CEACAM3: variants seen among roughly 807,000 people sequenced by gnomAD.
CEACAM3 encodes the protein cell adhesion molecule CEACAM3.
A neutral mutation model predicts 30.1 loss-of-function variants in CEACAM3; 32 were observed. The observed-to-expected ratio is 1.06, with a 90% CI of 0.80 to 1.43. The LOEUF (loss-of-function observed/expected upper bound fraction) is 1.43. Among genes scored for constraint, CEACAM3 ranks in the 40% most tolerant of loss-of-function variants. The probability of loss-of-function intolerance (pLI) is 0.00; values close to 1 mark genes in which losing one functional copy is unlikely to be tolerated. For missense variants in CEACAM3, 290 were observed against 316.3 expected (o/e 0.92, Z 0.63); for synonymous variants, 134 against 127.2 (o/e 1.05, Z -0.36).
rs2073249833 is a variant in CEACAM3 at position 41,811,414 on chromosome 19, G to C, written c.*177G>C. On this transcript the variant is annotated 3_prime_UTR_variant, in exon 7 of 7. Transcript: ENST00000357396. ...TGATGAATATCTGGAGACCTCGACA[G>C]CCTGCCCTAGGCCCTGGGTGGGTCA... 1.6e-6 allele frequency: 1 copy of C among 616,252 alleles called. No homozygotes were observed. Among genetic ancestry groups the C allele is most frequent in the Non-Finnish European group, 2.9e-6 (1 of 345,528 alleles). 38.2% of individuals were successfully genotyped at this position (616,252 alleles called of 1,614,324 possible). A position where few individuals can be genotyped will look rare whatever the true frequency, so the allele number is the denominator to read the frequency against.
Position 41,808,940 on chromosome 19 carries a change from C to A in CEACAM3, c.542+10C>A, listed in dbSNP as rs1386444295. On this transcript the variant is annotated intron_variant, in intron 3 of 6. Coordinates refer to ENST00000357396, the MANE Select transcript of CEACAM3 (RefSeq NM_001815.5). ...TTGCCAAAACTGGAAGGTACCACAG[C>A]TTTTTCCCATCCTTCTCCCACCCCC... The A allele has an allele frequency of 6.5e-7, 1 of 1,548,354 alleles. No individual in the cohort carries two copies. The highest frequency in any genetic ancestry group is 8.7e-7 in the Non-Finnish European group (1 of 1,145,564).
intron 2 of CEACAM3, 89 bp downstream of exon 2, chr19:41,798,037 C>G (rs1273982443): frequency 1.3e-6 from 2 of 1,528,846 alleles, no homozygotes; most frequent in Non-Finnish European, 1.8e-6. Flanking sequence ...GCCTGTGGCC[C>G]TCTCTGCATT....
chr19:41,811,096 G>A, intron 6 of CEACAM3, 76 bp from the exon 7 acceptor site: 1 of 1,518,076 alleles, frequency 6.6e-7, no homozygotes, highest in Non-Finnish European at 9.1e-7. Flanking sequence ...GCCCTGGATG[G>A]GCCCAGAGCC....
intron 2 of CEACAM3, among the ~76,000 whole-genome samples, chr19:41,804,469 G>T (rs2073182948): frequency 6.6e-6 from 1 of 152,178 alleles, no homozygotes; most frequent in African/African-American, 2.4e-5. Context: ...TTCCTATTTT[G>T]CCTAACTCTG....
chr19:41,796,620 G>T lies in CEACAM3; in HGVS notation c.-58G>T. On this transcript the variant is annotated 5_prime_UTR_variant, in exon 1 of 7. Transcript: ENST00000357396. ...CTAAGTCACAGTAGCCCTGACTACA[G>T]CATTCCTGGAGCCCAGGCTCTTTTC... The T allele has an allele frequency of 6.3e-7, 1 of 1,593,424 alleles. No homozygotes were observed. Among genetic ancestry groups the T allele is most frequent in the Non-Finnish European group, 8.6e-7 (1 of 1,161,372 alleles).
chr19:41,807,182 A>C, intron 2 of CEACAM3: 1 of 1,452,722 alleles, frequency 6.9e-7, no homozygotes, highest in East Asian at 2.6e-5. Context: ...TGTGGCCTTC[A>C]CCTGTGAACC....
intron 6 of CEACAM3, 59 bp from the exon 7 acceptor site, chr19:41,811,113 A>G (rs2073246807): frequency 3.8e-6 from 6 of 1,573,750 alleles, no homozygotes; most frequent in Non-Finnish European, 5.2e-6. Context: ...AGCCTGGGAG[A>G]CGCCACACCC....
In CEACAM3 at chr19:41,802,869, C is replaced by T. The variant is rs570988624; in HGVS notation, c.424+4921C>T. Among the ~76,000 whole-genome samples the T allele has an allele frequency of 3.3e-5, 5 of 152,154 alleles. No homozygotes were observed. The South Asian group carries it at 1.0e-3, about 32-fold the overall frequency. On this transcript the variant is annotated intron_variant, in intron 2 of 6. Coordinates refer to ENST00000357396, the MANE Select transcript of CEACAM3 (RefSeq NM_001815.5). The stretch of plus-strand genomic sequence containing the variant: ...CTCCAGCCCCCTGTAGCCATCATGT[C>T]CCACCTAAGGGGGCAAAAATACAGA...
intron 2 of CEACAM3, among the ~76,000 whole-genome samples, chr19:41,798,233 G>A (rs2073120010): frequency 6.6e-6 from 1 of 152,158 alleles, no homozygotes; most frequent in Non-Finnish European, 1.5e-5. Flanking sequence ...TCTCCCCATG[G>A]ACCTGACCCT....
intron 2 of CEACAM3, among the ~76,000 whole-genome samples, chr19:41,800,552 G>A (rs782653059): frequency 3.3e-5 from 5 of 152,242 alleles, no homozygotes; most frequent in Admixed American, 6.5e-5. Flanking sequence ...CAGTGGTCAC[G>A]CTCCTAGTCC....
rs1555827671 is a variant in CEACAM3 at position 41,811,417 on chromosome 19, T to C, written c.*180T>C. On this transcript the variant is annotated 3_prime_UTR_variant, in exon 7 of 7. Coordinates refer to ENST00000357396, the MANE Select transcript of CEACAM3 (RefSeq NM_001815.5). ...TGAATATCTGGAGACCTCGACAGCC[T>C]GCCCTAGGCCCTGGGTGGGTCAGGA... 4.9e-6 allele frequency: 3 copies of C among 610,106 alleles called. No homozygotes were observed. In the African/African-American group the frequency reaches 5.5e-5, roughly 11 times the overall value. 37.8% of individuals were successfully genotyped at this position (610,106 alleles called of 1,614,324 possible).
In CEACAM3 at chr19:41,809,966, A is replaced by G. The variant is rs782195512; in HGVS notation, c.544A>G (p.Thr182Ala). Residue 182 changes from threonine to alanine, a missense_variant and splice_region_variant, in exon 4 of 7, where the codon ACC (threonine) becomes GCC (alanine). Transcript: ENST00000357396. The part of the protein sequence containing the change: ...CFLLLAKTGR[T>A]SIQRDLKEQQ... ...CCAAATGACCCTGACCTTTCCTAGA[A>G]CCAGCATCCAGCGTGACCTCAAGGA... is the stretch of plus-strand genomic sequence containing the variant. 1.9e-6 allele frequency: 3 copies of G among 1,613,782 alleles called. No individual in the cohort carries two copies. In the East Asian group the frequency reaches 6.7e-5, roughly 36 times the overall value.
chr19:41,809,466 C>T (rs373063004), intron 3 of CEACAM3: 14 of 163,546 alleles, frequency 8.6e-5, no homozygotes, highest in South Asian at 6.5e-4. Context: ...TGTCCTGGAG[C>T]GTCCTTTGTG....
At chr19:41,807,155 A>G (rs946750430) in intron 2 of CEACAM3, 2 of 1,549,944 alleles carry the variant, frequency 1.3e-6, no homozygotes, top group Non-Finnish European at 8.8e-7. Flanking sequence ...CTCCAACCCC[A>G]AGGAGGACAA....
In CEACAM3 at chr19:41,800,367, C is replaced by T. The variant is rs538507388; in HGVS notation, c.424+2419C>T. Among the ~76,000 whole-genome samples, 6 of 152,164 alleles carry T rather than the reference C, an allele frequency of 3.9e-5. No individual in the cohort carries two copies. In the East Asian group the frequency reaches 1.2e-3, roughly 30 times the overall value. ...CAGGCAGACCGAGGTCTAGCGGTAG[C>T]GTAAGTGTCAAGGGAAAACACCCGC... On this transcript the variant is annotated intron_variant, in intron 2 of 6. Transcript: ENST00000357396.
Position 41,805,285 on chromosome 19 carries a change from C to CTT in CEACAM3, c.425-3505_425-3504dup, listed in dbSNP as rs782317671. On this transcript the variant is annotated intron_variant, in intron 2 of 6. Coordinates refer to ENST00000357396, the MANE Select transcript of CEACAM3 (RefSeq NM_001815.5). ...CTCTGCTCTTTTATTCTTTTTTCTT[C>CTT]TTTTTTTTTTTTTTTTTTTTTTTTA... 1.2e-3 allele frequency among the ~76,000 whole-genome samples: 126 copies of CTT among 105,020 alleles called. 2 individuals are homozygous for CTT. Among genetic ancestry groups the CTT allele is most frequent in the African/African-American group, 3.7e-3 (104 of 27,772 alleles). 68.9% of individuals were successfully genotyped at this position (105,020 alleles called of 152,430 possible).
chr19:41,803,797 A>C (rs2073176360), intron 2 of CEACAM3, among the ~76,000 whole-genome samples: 2 of 152,036 alleles, frequency 1.3e-5, no homozygotes, highest in African/African-American at 4.8e-5. Context: ...GAGTGGGAAA[A>C]GGCCGGGCGT....
Position 41,810,358 on chromosome 19 carries a change from A to G in CEACAM3, c.627+4A>G. On this transcript the variant is annotated splice_donor_region_variant and intron_variant, in intron 5 of 6. Coordinates refer to ENST00000357396, the MANE Select transcript of CEACAM3 (RefSeq NM_001815.5). The stretch of plus-strand genomic sequence containing the variant: ...CTCCCACAGCTCTGCCTTCTCGGTA[A>G]GCCTGTCCCCTTCCAGCCCCTTTCT... 1 of 1,601,430 alleles carries G rather than the reference A, an allele frequency of 6.2e-7. No individual in the cohort carries two copies. The highest frequency in any genetic ancestry group is 8.5e-7 in the Non-Finnish European group (1 of 1,174,622).
intron 2 of CEACAM3, among the ~76,000 whole-genome samples, chr19:41,801,386 A>T (rs528869743): frequency 2.6e-5 from 4 of 152,224 alleles, no homozygotes; most frequent in Admixed American, 6.5e-5. Flanking sequence ...TCTTGAGGCC[A>T]ACATGTGGAA....
Sources: gnomAD v4.1 joint callset for allele counts (sites outside exome capture counted in the v4.1 genomes callset) on GRCh38, gnomAD v4.1.1 for gene constraint, MANE v1.5 for transcripts, NCBI Gene and HGNC (gene_info 2026-07-23, HGNC 2026-07-21) for gene names.